Variants in LAMB1 observed in about 807,000 individuals in gnomAD.
LAMB1 encodes the protein laminin subunit beta-1.
In LAMB1, 121 loss-of-function variants were observed where a neutral mutation model predicts 222.3. The observed-to-expected ratio is 0.54, with a 90% CI of 0.47 to 0.63. The LOEUF (loss-of-function observed/expected upper bound fraction) is 0.63. Among genes scored for constraint, LAMB1 ranks in the 30% least tolerant of loss-of-function variants. The pLI, the probability that LAMB1 is intolerant of heterozygous loss-of-function variation, is 0.00. For missense variants in LAMB1, 2,172 were observed against 2,240.8 expected (o/e 0.97, Z 0.62); for synonymous variants, 794 against 807.2 (o/e 0.98, Z 0.28).
intron 13 of LAMB1, among the ~76,000 whole-genome samples, chr7:107,968,531 C>A (rs1170290201): frequency 1.3e-5 from 2 of 152,160 alleles, no homozygotes; most frequent in African/African-American, 2.4e-5. Flanking sequence ...TGGGTGGGTC[C>A]AATCTAATCA....
chr7:107,994,480 G>A (rs992057793), intron 5 of LAMB1, among the ~76,000 whole-genome samples: 2 of 152,082 alleles, frequency 1.3e-5, no homozygotes, highest in Non-Finnish European at 2.9e-5. Flanking sequence ...CACAAATTGT[G>A]CAAAACTCTG....
chr7:107,929,120 T>A lies in LAMB1; in HGVS notation c.4831A>T (p.Lys1611Ter). The change falls in exon 31 of 34, where the codon AAG (lysine) becomes TAG (stop). Residue 1611 changes from lysine (K) to a stop codon, truncating the protein, a stop_gained. Transcript: ENST00000222399. LOFTEE classifies it high-confidence loss of function. ...EAEKAQVAAEKAIKQADEDIQ... is the reference protein window; with the variant it reads ...EAEKAQVAAE ...TCTTCATCTGCTTGTTTAATTGCCT[T>A]CTCTGCTGCGACCTGGGCCTTTTCT... The A allele has an allele frequency of 6.2e-7, 1 of 1,614,076 alleles. No individual in the cohort carries two copies. The highest frequency in any genetic ancestry group is 1.3e-5 in the African/African-American group (1 of 75,002).
rs2033459092 is a variant in LAMB1, at chr7:107,959,837, G to T, written c.2315-3C>A. ...ACCCTGAGGGTCGCATTCACAAGCT[G>T]TGGGTAAAGAGAGGCCAGAACCCAT... is the stretch of plus-strand genomic sequence containing the variant. On this transcript the variant is annotated splice_polypyrimidine_tract_variant and splice_region_variant and intron_variant, in intron 18 of 33. Transcript: ENST00000222399. 1 of 1,611,734 alleles carries T rather than the reference G, an allele frequency of 6.2e-7. No individual in the cohort carries two copies. Among genetic ancestry groups the T allele is most frequent in the African/African-American group, 1.3e-5 (1 of 74,900 alleles).
In LAMB1 at chr7:107,980,598, G is replaced by A. The variant is rs1385226527; in HGVS notation, c.879+11C>T. The A allele has an allele frequency of 2.5e-6, 4 of 1,605,788 alleles. No individual in the cohort carries two copies. Among genetic ancestry groups the A allele is most frequent in the East Asian group, 4.5e-5 (2 of 44,836 alleles). ...ACATAAAGGAGAAAGGTGCACAGAG[G>A]GCTTACTTACCATTCCTTCCACTTC... is the stretch of plus-strand genomic sequence containing the variant. On this transcript the variant is annotated intron_variant, in intron 8 of 33. Transcript: ENST00000222399.
chr7:107,983,779 G>A (rs1427458112), intron 7 of LAMB1, among the ~76,000 whole-genome samples: 4 of 152,006 alleles, frequency 2.6e-5, no homozygotes, highest in South Asian at 2.1e-4. Context: ...GCCTCTCAAA[G>A]TGCTGGGATT....
intron 7 of LAMB1, among the ~76,000 whole-genome samples, chr7:107,982,341 G>A (rs979683954): frequency 5.9e-5 from 9 of 152,172 alleles, no homozygotes; most frequent in African/African-American, 1.9e-4. Context: ...TAAGACAACA[G>A]GGTAGTGGCC....
intron 20 of LAMB1, among the ~76,000 whole-genome samples, chr7:107,958,332 T>C (rs527248660): frequency 6.6e-6 from 1 of 152,222 alleles, no homozygotes; most frequent in Non-Finnish European, 1.5e-5. Context: ...AATTCTTGAG[T>C]ACCGTTCTAG....
rs1584522728 is a variant in LAMB1 at position 107,975,803 on chromosome 7, C to T, written c.1075G>A (p.Gly359Arg). The T allele has an allele frequency of 4.3e-6, 7 of 1,613,860 alleles. No individual in the cohort carries two copies. The highest frequency in any genetic ancestry group is 2.7e-5 in the African/African-American group (2 of 74,856). Residue 359 changes from glycine (G) to arginine (R), a missense_variant, in exon 10 of 34, where the codon GGA (glycine) becomes AGA (arginine). Gly to Arg is a moderately radical substitution (Grantham distance 125). Transcript: ENST00000222399. Reference protein sequence around the residue: ...AVYLATGNVSGGVCDDCQHNT... With the variant: ...AVYLATGNVSRGVCDDCQHNT... ...TGCTGACAGTCATCACACACGCCTC[C>T]GCTGACGTTCCCCGTGGCCAGGTAA... is the stretch of plus-strand genomic sequence containing the variant.
chr7:107,933,720 TAC>T (rs895717405), intron 27 of LAMB1, among the ~76,000 whole-genome samples: 9 of 152,154 alleles, frequency 5.9e-5, no homozygotes, highest in African/African-American at 2.2e-4. Context: ...GTAAAGAACT[TAC>T]AGAAAGAATT....
intron 24 of LAMB1, among the ~76,000 whole-genome samples, chr7:107,947,749 A>G (rs2033148076): frequency 6.6e-6 from 1 of 152,166 alleles, no homozygotes; most frequent in Non-Finnish European, 1.5e-5. Context: ...AGGATCCGAC[A>G]CATTCTCTGT....
intron 4 of LAMB1, among the ~76,000 whole-genome samples, chr7:107,995,905 T>C (rs763432141): frequency 5.0e-4 from 76 of 152,120 alleles, no homozygotes; most frequent in Non-Finnish European, 1.0e-3. Context: ...GGAGGACCTT[T>C]TGAAATAAAC....
intron 5 of LAMB1, among the ~76,000 whole-genome samples, chr7:107,989,925 C>A (rs1052272863): frequency 6.6e-6 from 1 of 152,218 alleles, no homozygotes; most frequent in Non-Finnish European, 1.5e-5. Context: ...CGAATAGAAT[C>A]CTTTCCATAC....
intron 24 of LAMB1, chr7:107,942,826 G>A (rs2033022035): frequency 1.3e-5 from 2 of 152,174 alleles, no homozygotes; most frequent in South Asian, 2.1e-4. Flanking sequence ...GGAAAAACGT[G>A]TTCCGGTTAT....
chr7:107,971,713 T>C (rs2033752311), intron 13 of LAMB1, among the ~76,000 whole-genome samples: 2 of 152,200 alleles, frequency 1.3e-5, no homozygotes, highest in East Asian at 3.8e-4. Context: ...CTGGTTTTTA[T>C]AAATTTTTGC....
intron 32 of LAMB1, 97 bp from the exon 33 acceptor site, chr7:107,924,486 A>G: frequency 1.2e-6 from 1 of 852,676 alleles, no homozygotes; most frequent in African/African-American, 1.8e-5. Flanking sequence ...TTCTGGATTA[A>G]GGGCCACCAA....
intron 15 of LAMB1, 129 bp downstream of exon 15, chr7:107,962,776 C>A: frequency 1.8e-6 from 1 of 550,990 alleles, no homozygotes; most frequent in Non-Finnish European, 3.0e-6. Context: ...GGAGGTGAGA[C>A]TATAGGAATC....
chr7:107,975,182 T>A, intron 11 of LAMB1, 52 bp downstream of exon 11: 1 of 1,578,528 alleles, frequency 6.3e-7, no homozygotes, highest in Non-Finnish European at 8.7e-7. Flanking sequence ...CAAAGTAAAA[T>A]GGGAATTTCA....
chr7:107,987,794 G>A lies in LAMB1; in HGVS notation c.424-1431C>T, dbSNP rs114184487. ...GGGGATTACAAGTGTGAGCCCCCGC[G>A]CCTGGGCCAAACTGGATCTTAAAAG... is the stretch of plus-strand genomic sequence containing the variant. On this transcript the variant is annotated intron_variant, in intron 5 of 33. Transcript: ENST00000222399. Among the ~76,000 whole-genome samples, 553 of 152,332 alleles carry A rather than the reference G, an allele frequency of 3.6e-3. 8 individuals are homozygous for A. The highest frequency in any genetic ancestry group is 0.013 in the African/African-American group (530 of 41,578).
intron 27 of LAMB1, 88 bp from the exon 28 acceptor site, chr7:107,932,465 G>A: frequency 2.4e-6 from 3 of 1,274,856 alleles, no homozygotes; most frequent in Non-Finnish European, 1.1e-6. Context: ...TGGCCCCAGA[G>A]AATGTGTAGG....
Sources: allele counts gnomAD v4.1 joint callset (sites outside exome capture counted in the v4.1 genomes callset), GRCh38; gene constraint gnomAD v4.1.1; transcripts MANE v1.5; gene names NCBI Gene and HGNC (gene_info 2026-07-23, HGNC 2026-07-21).